Variants in SDK1 observed in about 807,000 individuals in gnomAD.
The protein encoded by SDK1 is protein sidekick-1.
SDK1 carries 157 observed loss-of-function variants against 245.5 expected under a neutral mutation model. The ratio of observed to expected loss-of-function variants is 0.64; its 90% CI spans 0.56 to 0.73. SDK1 has a LOEUF of 0.73. SDK1 is among the 30% of genes least tolerant of loss of function. The pLI, the probability that SDK1 is intolerant of heterozygous loss-of-function variation, is 0.00. For synonymous variants in SDK1, 1,647 were observed against 1,278.5 expected, an observed-to-expected ratio of 1.29 and a Z score of -6.15; for missense variants, 3,583 against 3,002.3, an observed-to-expected ratio of 1.19 and a Z score of -4.52.
At chr7:3,808,662 A>G (rs771827235) in intron 4 of SDK1, among the ~76,000 whole-genome samples, 4 of 152,090 alleles carry the variant, frequency 2.6e-5, no homozygotes, top group Non-Finnish European at 5.9e-5. Context: ...ATCAGTTTCC[A>G]CCTGATGGCT....
intron 1 of SDK1, among the ~76,000 whole-genome samples, chr7:3,380,019 G>T (rs917733104): frequency 6.6e-6 from 1 of 152,182 alleles, no homozygotes; most frequent in Non-Finnish European, 1.5e-5. Context: ...ATATTGGGAA[G>T]CAATATACCA....
chr7:4,006,954 C>T (rs975250885), intron 14 of SDK1, among the ~76,000 whole-genome samples: 1 of 152,264 alleles, frequency 6.6e-6, no homozygotes, highest in Admixed American at 6.5e-5. Context: ...TGCTCTGCCT[C>T]TCCCGCAGTC....
At chr7:3,523,887 A>G (rs377651737) in intron 1 of SDK1, among the ~76,000 whole-genome samples, 42 of 152,232 alleles carry the variant, frequency 2.8e-4, no homozygotes, top group African/African-American at 9.9e-4. Context: ...TTATGTGGCA[A>G]AAATATTGCT....
At chr7:3,759,272 A>G (rs1261291886) in intron 4 of SDK1, among the ~76,000 whole-genome samples, 2 of 152,192 alleles carry the variant, frequency 1.3e-5, no homozygotes, top group Non-Finnish European at 1.5e-5. Flanking sequence ...ATCAATCTCT[A>G]AATAGAAAGT....
intron 4 of SDK1, among the ~76,000 whole-genome samples, chr7:3,665,669 G>A (rs1783508214): frequency 6.6e-6 from 1 of 152,098 alleles, no homozygotes; most frequent in Non-Finnish European, 1.5e-5. Context: ...GTAGTATTTC[G>A]TGGTGACTGC....
intron 5 of SDK1, among the ~76,000 whole-genome samples, chr7:3,899,605 A>C (rs1360035123): frequency 6.6e-6 from 1 of 152,202 alleles, no homozygotes; most frequent in Non-Finnish European, 1.5e-5. Flanking sequence ...CCTCCTGAGC[A>C]GTGGACAGGT....
chr7:3,931,248 C>T (rs1270495265), intron 5 of SDK1, among the ~76,000 whole-genome samples: 1 of 152,182 alleles, frequency 6.6e-6, no homozygotes, highest in Non-Finnish European at 1.5e-5. Context: ...CAACCAAACA[C>T]TTAAAAGTGG....
At chr7:4,075,334 A>C (rs150365209) in intron 20 of SDK1, among the ~76,000 whole-genome samples, 2,732 of 152,134 alleles carry the variant, frequency 0.018, 48 homozygotes, top group Admixed American at 0.049. Context: ...ACGACATTAA[A>C]TTTTTTTCAA....
chr7:4,039,355 A>T (rs1407144076), intron 17 of SDK1, among the ~76,000 whole-genome samples: 2 of 152,184 alleles, frequency 1.3e-5, no homozygotes, highest in African/African-American at 4.8e-5. Flanking sequence ...TAAATATGCA[A>T]CAGTATTAAA....
intron 2 of SDK1, among the ~76,000 whole-genome samples, chr7:3,634,269 C>T (rs1782389427): frequency 1.3e-5 from 2 of 152,196 alleles, no homozygotes; most frequent in East Asian, 1.9e-4. Context: ...GATGACTAGT[C>T]CCAGCAGTTG....
At chr7:4,186,358 G>A (rs905141614) in intron 35 of SDK1, among the ~76,000 whole-genome samples, 2 of 152,238 alleles carry the variant, frequency 1.3e-5, no homozygotes, top group Non-Finnish European at 2.9e-5. Flanking sequence ...CACCCACCCC[G>A]GCTGCTGGGA....
At chr7:4,212,190 T>A (rs956729504) in intron 38 of SDK1, among the ~76,000 whole-genome samples, 6 of 152,168 alleles carry the variant, frequency 3.9e-5, no homozygotes, top group African/African-American at 1.4e-4. Flanking sequence ...GATAAAAGTT[T>A]CCTTTAAAAA....
rs73298977 is a variant in SDK1, at chr7:4,027,110, C to T, written c.2602+9758C>T. ...AGAAGCAGCTCCCCCACTGGCTGCTCGGCTCCCAGCCCCTGGCTTGCTAGA... is the reference window on the plus strand; with the variant it reads ...AGAAGCAGCTCCCCCACTGGCTGCTTGGCTCCCAGCCCCTGGCTTGCTAGA... On this transcript the variant is annotated intron_variant, in intron 17 of 44. Transcript: ENST00000404826. Among the ~76,000 whole-genome samples, 1,212 of 152,280 alleles carry T rather than the reference C, an allele frequency of 8.0e-3. 14 individuals are homozygous for T. The highest frequency in any genetic ancestry group is 0.027 in the African/African-American group (1,141 of 41,538).
chr7:4,209,932 A>T, intron 37 of SDK1, 93 bp from the exon 38 acceptor site: 1 of 1,137,788 alleles, frequency 8.8e-7, no homozygotes, highest in Non-Finnish European at 1.2e-6. Flanking sequence ...AACATCGAAT[A>T]ACATTTTTTA....
At chr7:3,528,132 G>A (rs1393207977) in intron 1 of SDK1, among the ~76,000 whole-genome samples, 1 of 143,430 alleles carries the variant, frequency 7.0e-6, no homozygotes, top group Non-Finnish European at 1.5e-5. Context: ...CAGCTACGGG[G>A]TGAATGGTAG....
chr7:3,456,620 C>G (rs1030609202), intron 1 of SDK1, among the ~76,000 whole-genome samples: 7 of 151,972 alleles, frequency 4.6e-5, no homozygotes, highest in Non-Finnish European at 1.5e-5. Context: ...CGAGAGAATA[C>G]ATAGTTGCTT....
chr7:3,583,340 C>T (rs1780576253), intron 1 of SDK1, among the ~76,000 whole-genome samples: 1 of 152,214 alleles, frequency 6.6e-6, no homozygotes, highest in Non-Finnish European at 1.5e-5. Context: ...AAACTTTCCT[C>T]TTCCGGTGCC....
intron 8 of SDK1, among the ~76,000 whole-genome samples, chr7:3,961,703 C>A (rs1407505148): frequency 6.6e-6 from 1 of 152,178 alleles, no homozygotes; most frequent in Non-Finnish European, 1.5e-5. Flanking sequence ...TGATATCCAA[C>A]CCCTTTGATA....
chr7:3,550,436 C>G (rs941623038), intron 1 of SDK1, among the ~76,000 whole-genome samples: 1 of 152,220 alleles, frequency 6.6e-6, no homozygotes, highest in African/African-American at 2.4e-5. Flanking sequence ...AGTCCTGACG[C>G]TCACTTGACT....
Sources: allele counts gnomAD v4.1 joint callset (sites outside exome capture counted in the v4.1 genomes callset), GRCh38; gene constraint gnomAD v4.1.1; transcripts MANE v1.5; gene names NCBI Gene and HGNC (gene_info 2026-07-23, HGNC 2026-07-21).